EIF3H: variants seen among roughly 807,000 people sequenced by gnomAD.
EIF3H encodes eIF-3-gamma.
A neutral mutation model predicts 44.2 loss-of-function variants in EIF3H; 26 were observed. That is an observed-to-expected ratio of 0.59 (90% confidence interval 0.43 to 0.82). The LOEUF is 0.82. EIF3H is among the 40% of genes least tolerant of loss of function. The pLI is 0.00. For synonymous variants in EIF3H, 166 were observed against 151.9 expected (o/e 1.09, Z -0.68); for missense variants, 359 against 432.8 (o/e 0.83, Z 1.51).
intron 1 of EIF3H, among the ~76,000 whole-genome samples, chr8:116,762,389 T>C (rs1266605603): frequency 2.0e-5 from 3 of 152,252 alleles, no homozygotes; most frequent in Non-Finnish European, 2.9e-5. Flanking sequence ...TCCTCTTATC[T>C]GCTTTGCCAG....
chr8:116,649,049 G>T, intron 5 of EIF3H, 123 bp from the exon 6 acceptor site: 3 of 766,692 alleles, frequency 3.9e-6, no homozygotes, highest in Non-Finnish European at 5.7e-6. Context: ...GCACACATAT[G>T]CATAAAAGCA....
intron 2 of EIF3H, among the ~76,000 whole-genome samples, chr8:116,693,423 A>G (rs1296661084): frequency 6.6e-6 from 1 of 152,214 alleles, no homozygotes; most frequent in Non-Finnish European, 1.5e-5. Context: ...CGTGGTAACA[A>G]ATAGAGAAAC....
At chr8:116,709,715 A>G (rs1378712748) in intron 2 of EIF3H, among the ~76,000 whole-genome samples, 4 of 152,186 alleles carry the variant, frequency 2.6e-5, no homozygotes, top group Non-Finnish European at 5.9e-5. Context: ...TTTACACATA[A>G]TTTGTTTCCA....
intron 2 of EIF3H, among the ~76,000 whole-genome samples, chr8:116,668,783 A>C (rs1054946823): frequency 1.3e-5 from 2 of 152,196 alleles, no homozygotes; most frequent in African/African-American, 2.4e-5. Context: ...AAGGCAGTTA[A>C]GATTGAACAA....
chr8:116,688,405 TA>T (rs1814116082), intron 2 of EIF3H, among the ~76,000 whole-genome samples: 1 of 151,676 alleles, frequency 6.6e-6, no homozygotes, highest in Admixed American at 6.6e-5. Flanking sequence ...AATGAAAAAA[TA>T]AAATGTGATA....
At chr8:116,704,590 T>C (rs559641461) in intron 2 of EIF3H, among the ~76,000 whole-genome samples, 1 of 152,326 alleles carries the variant, frequency 6.6e-6, no homozygotes, top group African/African-American at 2.4e-5. Context: ...CAGTTGTTGT[T>C]TTATTCCACA....
In EIF3H at chr8:116,657,283, TGA is replaced by T. The variant is rs1353021725; in HGVS notation, c.487_488del (p.Ser163ThrfsTer9). The T allele has an allele frequency of 6.2e-7, 1 of 1,613,706 alleles. No homozygotes were observed. Among genetic ancestry groups the T allele is most frequent in the Non-Finnish European group, 8.5e-7 (1 of 1,179,698 alleles). ...TAGGAGTCAGTCTGTATGCCTTTAG[TGA>T]GAGAGATCCTTGGGCAGTTTTTATG... is the stretch of plus-strand genomic sequence containing the variant. Reference protein sequence around the residue: ...DPIKTAQGSLSLKAYRLTPKL... With the variant: ...DPIKTAQGSLXLKAYRLTPKL... On this transcript the variant is annotated frameshift_variant, in exon 4 of 8. Coordinates refer to ENST00000521861, the MANE Select transcript of EIF3H (RefSeq NM_003756.3). LOFTEE classifies it high-confidence loss of function.
intron 2 of EIF3H, among the ~76,000 whole-genome samples, chr8:116,660,985 ATTT>A (rs1360476899): frequency 6.6e-6 from 1 of 152,172 alleles, no homozygotes; most frequent in East Asian, 1.9e-4. Context: ...TACACCAATT[ATTT>A]TTTATCTTCA....
At chr8:116,727,244 C>G (rs1814859031) in intron 1 of EIF3H, among the ~76,000 whole-genome samples, 1 of 152,100 alleles carries the variant, frequency 6.6e-6, no homozygotes, top group Non-Finnish European at 1.5e-5. Context: ...ATGCGGTTGT[C>G]AGCTAAACCT....
intron 1 of EIF3H, among the ~76,000 whole-genome samples, chr8:116,742,373 A>G (rs1037796770): frequency 1.5e-4 from 23 of 152,232 alleles, no homozygotes; most frequent in African/African-American, 5.5e-4. Flanking sequence ...AATCAAATGT[A>G]CAAATATATA....
chr8:116,761,649 C>T (rs563750105), intron 1 of EIF3H, among the ~76,000 whole-genome samples: 52 of 152,292 alleles, frequency 3.4e-4, no homozygotes, highest in Admixed American at 5.9e-4. Context: ...ACTTGCTAGT[C>T]TAATTTTATA....
upstream of EIF3H, chr8:116,755,889 G>A (rs28649280): frequency 0.11 from 175,580 of 1,572,166 alleles, 12,908 homozygotes; most frequent in African/African-American, 0.37. Context: ...CGGCGTTCGA[G>A]GGGCGGAGAC....
chr8:116,662,202 A>G (rs893719226), intron 2 of EIF3H, among the ~76,000 whole-genome samples: 10 of 152,246 alleles, frequency 6.6e-5, no homozygotes, highest in African/African-American at 2.4e-4. Flanking sequence ...TAATCTATGT[A>G]AAGTGAAGGA....
At chr8:116,669,777 C>T (rs1482462086) in intron 2 of EIF3H, among the ~76,000 whole-genome samples, 1 of 152,158 alleles carries the variant, frequency 6.6e-6, no homozygotes, top group African/African-American at 2.4e-5. Flanking sequence ...AAAGTGACAG[C>T]AGTTATAGAA....
intron 2 of EIF3H, among the ~76,000 whole-genome samples, chr8:116,705,493 C>CG (rs1291703338): frequency 8.1e-6 from 1 of 123,038 alleles, no homozygotes; most frequent in Non-Finnish European, 1.6e-5. Context: ...CATGTTACAC[C>CG]CCCCCCCACC....
chr8:116,697,524 C>T (rs1457269846), intron 2 of EIF3H, among the ~76,000 whole-genome samples: 1 of 152,182 alleles, frequency 6.6e-6, no homozygotes, highest in Non-Finnish European at 1.5e-5. Flanking sequence ...CCACAACCTA[C>T]TCTGTACTCA....
chr8:116,652,610 T>C (rs1393480149), intron 5 of EIF3H, among the ~76,000 whole-genome samples: 1 of 152,176 alleles, frequency 6.6e-6, no homozygotes, highest in African/African-American at 2.4e-5. Context: ...AAAAAGTGTT[T>C]ACGTACGTAG....
chr8:116,752,741 GAAAGAAAGAAA>G, intron 1 of EIF3H, among the ~76,000 whole-genome samples: 1 of 102,112 alleles, frequency 9.8e-6, no homozygotes, highest in Non-Finnish European at 1.9e-5. Context: ...AGAAGAGAAA[GAAAGAAAGAAA>G]GAGGGAGGGA....
At chr8:116,714,878 A>G (rs1359832325) in intron 2 of EIF3H, among the ~76,000 whole-genome samples, 1 of 151,918 alleles carries the variant, frequency 6.6e-6, no homozygotes, top group Non-Finnish European at 1.5e-5. Context: ...TCCAAATTCA[A>G]CTCTTCTCTG....
Sources: gnomAD v4.1 joint callset for allele counts (sites outside exome capture counted in the v4.1 genomes callset) on GRCh38, gnomAD v4.1.1 for gene constraint, MANE v1.5 for transcripts, NCBI Gene and HGNC (gene_info 2026-07-23, HGNC 2026-07-21) for gene names.